Variants in CARS2 observed in about 807,000 individuals in gnomAD.
The protein encoded by CARS2 is probable cysteine--tRNA ligase, mitochondrial.
In CARS2, 52 loss-of-function variants were observed where a neutral mutation model predicts 68.8. That is an observed-to-expected ratio of 0.76 (90% CI 0.61 to 0.95). CARS2 has a LOEUF of 0.95. Among genes scored for constraint, CARS2 ranks in the 40% least tolerant of loss-of-function variants. CARS2 has a pLI of 0.00. For missense variants in CARS2, 780 were observed against 754.2 expected (o/e 1.03, Z -0.40); for synonymous variants, 314 against 303.6 (o/e 1.03, Z -0.36).
intron 9 of CARS2, chr13:110,663,037 A>C (rs1388582544): frequency 2.2e-6 from 1 of 460,610 alleles, no homozygotes; most frequent in Admixed American, 2.3e-5. Flanking sequence ...TTAAGGATCC[A>C]GCCAGCTCTG....
intron 12 of CARS2, chr13:110,644,846 C>T (rs1887877438): frequency 4.3e-6 from 1 of 231,080 alleles, no homozygotes; most frequent in African/African-American, 2.2e-5. Context: ...GTACGTGGCT[C>T]ACATCAGTTA....
chr13:110,694,209 A>G (rs558092215), intron 3 of CARS2, among the ~76,000 whole-genome samples: 1 of 151,874 alleles, frequency 6.6e-6, no homozygotes, highest in African/African-American at 2.4e-5. Flanking sequence ...TATTTTTAGT[A>G]GAGACAAGGT....
At chr13:110,658,762 A>C (rs764157878) in intron 9 of CARS2, among the ~76,000 whole-genome samples, 14 of 152,008 alleles carry the variant, frequency 9.2e-5, no homozygotes, top group South Asian at 2.1e-4. Flanking sequence ...GTCTCTACTA[A>C]ACAAAACAAA....
chr13:110,657,562 CTAAA>C (rs1196131250), intron 9 of CARS2, among the ~76,000 whole-genome samples: 1 of 152,142 alleles, frequency 6.6e-6, no homozygotes, highest in Admixed American at 6.5e-5. Flanking sequence ...TGACAATACA[CTAAA>C]TAAATATAAA....
chr13:110,646,924 C>T (rs1888207457), intron 11 of CARS2, 177 bp downstream of exon 11: 4 of 713,582 alleles, frequency 5.6e-6, no homozygotes, highest in South Asian at 4.5e-5. Flanking sequence ...TGACCCCACA[C>T]CTGCACCTCC....
chr13:110,713,029 GCCAGT>G (rs2064053623), intron 1 of CARS2: 2 of 1,494,256 alleles, frequency 1.3e-6, no homozygotes, highest in Non-Finnish European at 1.8e-6. Flanking sequence ...CCGAGAGGGT[GCCAGT>G]GCGCATGCGC....
chr13:110,672,212 G>A (rs1440716037), intron 7 of CARS2, among the ~76,000 whole-genome samples: 1 of 152,168 alleles, frequency 6.6e-6, no homozygotes, highest in African/African-American at 2.4e-5. Flanking sequence ...GCACCAAGCG[G>A]ACCTAATAGA....
rs368719505 is a variant in CARS2, at chr13:110,665,676, G to T, written c.919+1664C>A. ...AACCTGCAGACAGAAACGTGCCTGC[G>T]GAGGGAGCAACTCCAGCTCCTCAGA... On this transcript the variant is annotated intron_variant, in intron 8 of 14. Coordinates refer to ENST00000257347, the MANE Select transcript of CARS2 (RefSeq NM_024537.4). The surrounding 1 kb of genome is among the most constrained non-coding windows in gnomAD (Gnocchi z 4.3). The T allele has an allele frequency of 2.8e-5, 28 of 985,360 alleles. 1 individual carries two copies. In the Admixed American group the frequency reaches 1.0e-3, roughly 37 times the overall value. The allele number at this position is 985,360 out of a possible 1,614,324, so 61.0% of individuals were successfully genotyped here.
At chr13:110,686,695 C>A (rs951948411) in intron 5 of CARS2, among the ~76,000 whole-genome samples, 1 of 151,036 alleles carries the variant, frequency 6.6e-6, no homozygotes, top group Non-Finnish European at 1.5e-5. Context: ...TAGCTGGGAC[C>A]ACAGGCGCGC....
At chr13:110,663,366 G>A in intron 9 of CARS2, 85 bp downstream of exon 9, 2 of 1,354,492 alleles carry the variant, frequency 1.5e-6, no homozygotes, top group Admixed American at 2.3e-5. Context: ...ATGGGATTCC[G>A]TGGTTCTCAA....
chr13:110,648,136 G>T (rs955920797), intron 10 of CARS2, among the ~76,000 whole-genome samples: 11 of 152,172 alleles, frequency 7.2e-5, no homozygotes, highest in Admixed American at 2.0e-4. Context: ...CTCCCCCAGG[G>T]CTGTCTAATA....
rs749732892 is a variant in CARS2 at position 110,705,113 on chromosome 13, C to A, written c.275+408G>T. ...AAAATTGTTATAAGATCCAAGTTAT[C>A]ATTCCCATCTCAAAGATGAAGAAAC... On this transcript the variant is annotated intron_variant, in intron 2 of 14. Transcript: ENST00000257347. The surrounding 1 kb of genome is among the most constrained non-coding windows in gnomAD (Gnocchi z 4.0). 6.6e-6 allele frequency among the ~76,000 whole-genome samples: 1 copy of A among 152,184 alleles called. No homozygotes were observed. The highest frequency in any genetic ancestry group is 1.5e-5 in the Non-Finnish European group (1 of 68,044).
intron 2 of CARS2, among the ~76,000 whole-genome samples, chr13:110,702,539 GT>G (rs760107353): frequency 5.2e-4 from 79 of 152,276 alleles, no homozygotes; most frequent in Non-Finnish European, 9.7e-4. Context: ...TCTAAAAGAT[GT>G]GAGATTTACA....
At chr13:110,700,459 C>T (rs866401453) in intron 3 of CARS2, among the ~76,000 whole-genome samples, 8 of 152,152 alleles carry the variant, frequency 5.3e-5, no homozygotes, top group Middle Eastern at 3.2e-3. Context: ...AGAGGGGAGG[C>T]GGCCTGGTGG....
chr13:110,696,938 C>T (rs12865925), intron 3 of CARS2, among the ~76,000 whole-genome samples: 1 of 152,208 alleles, frequency 6.6e-6, no homozygotes, highest in Non-Finnish European at 1.5e-5. Context: ...CCATGACACC[C>T]TCCAAGTACA....
chr13:110,692,548 T>C (rs868741234), intron 3 of CARS2, among the ~76,000 whole-genome samples: 28 of 143,822 alleles, frequency 1.9e-4, no homozygotes, highest in African/African-American at 6.9e-4. Flanking sequence ...TTTATAGACT[T>C]TTCCTATTCT....
chr13:110,649,070 AAC>A (rs1410295206), intron 10 of CARS2: 4 of 152,250 alleles, frequency 2.6e-5, no homozygotes, highest in South Asian at 2.1e-4. Flanking sequence ...GCCAGGCGGA[AAC>A]AGTTTCTCCA....
chr13:110,704,630 AG>A (rs1566362785), intron 2 of CARS2, among the ~76,000 whole-genome samples: 1 of 152,188 alleles, frequency 6.6e-6, no homozygotes, highest in Non-Finnish European at 1.5e-5. Context: ...AGGCTGAGGC[AG>A]GAGAATTGCT....
In CARS2 at chr13:110,701,529, C is replaced by T. The variant is rs112070421; in HGVS notation, c.302G>A (p.Arg101Gln). ...TCCAAAAACCTTGGTTAGGATCCTT[C>T]GAATGATATCAAATCTAACATATGA... ...ACSYVRFDII[R>Q]RILTKVFGCS... The change falls in exon 3 of 15, where the codon CGA becomes CAA. Residue 101 changes from arginine to glutamine, a missense_variant. Transcript: ENST00000257347. 335 of 1,558,124 alleles carry T rather than the reference C, an allele frequency of 2.2e-4. No individual in the cohort carries two copies. In the African/African-American group the frequency reaches 3.3e-3, roughly 15 times the overall value.
Sources: allele counts gnomAD v4.1 joint callset (sites outside exome capture counted in the v4.1 genomes callset), GRCh38; gene constraint gnomAD v4.1.1; non-coding constraint Gnocchi (gnomAD v3.1); transcripts MANE v1.5; gene names NCBI Gene and HGNC (gene_info 2026-07-23, HGNC 2026-07-21).